Variants in RICTOR observed in about 807,000 individuals in gnomAD.
The protein encoded by RICTOR is rapamycin-insensitive companion of mTOR.
Under a neutral mutation model 214.9 loss-of-function variants are expected in RICTOR, and 49 were observed. The observed-to-expected ratio is 0.23, with a 90% CI of 0.18 to 0.29. The LOEUF is 0.29. Among genes scored for constraint, RICTOR ranks in the 10% least tolerant of loss-of-function variants. The pLI is 1.00. For missense variants in RICTOR, 1,625 were observed against 2,047.0 expected, an observed-to-expected ratio of 0.79 and a Z score of 3.98; for synonymous variants, 717 against 711.3, an observed-to-expected ratio of 1.01 and a Z score of -0.13.
intron 2 of RICTOR, among the ~76,000 whole-genome samples, chr5:39,035,718 A>G (rs997523101): frequency 3.9e-5 from 6 of 152,244 alleles, no homozygotes; most frequent in African/African-American, 1.4e-4. Flanking sequence ...AAAGGGTATC[A>G]GCGATAGAAG....
At position 38,945,088 on chromosome 5, in the gene RICTOR, T is replaced by G. The variant is rs1748032972; in HGVS notation, c.4634-20A>C. 5.1e-6 allele frequency: 8 copies of G among 1,554,790 alleles called. No individual in the cohort carries two copies. Among genetic ancestry groups the G allele is most frequent in the African/African-American group, 1.4e-5 (1 of 73,074 alleles). The stretch of plus-strand genomic sequence containing the variant: ...GAAAGTCTGAAGAAAAAAATAATTA[T>G]TTCAATTAAAGCACCATAACGGCTT... On this transcript the variant is annotated intron_variant, in intron 34 of 37. Coordinates refer to ENST00000357387, the MANE Select transcript of RICTOR (RefSeq NM_152756.5).
rs2112847623 is a variant in RICTOR, at chr5:38,949,887, A to G, written c.3961T>C (p.Tyr1321His). Residue 1321 changes from tyrosine (Y) to histidine (H), a missense_variant, in exon 31 of 38, where the codon TAC becomes CAC. By Grantham distance (83) the Tyr-to-His change is moderately conservative (BLOSUM62 2). Transcript: ENST00000357387. ...IKSLADCNFS[Y>H]TSSRDAFGYA... ...CCAAAAGCATCTCTAGAACTTGTGT[A>G]ACTAAAGTTACAATCTGCTAGACTT... 1 of 1,613,500 alleles carries G rather than the reference A, an allele frequency of 6.2e-7. No individual in the cohort carries two copies. Among genetic ancestry groups the G allele is most frequent in the South Asian group, 1.1e-5 (1 of 91,064 alleles).
Position 38,990,782 on chromosome 5 carries a change from A to AGATATAT in RICTOR, c.583+160_583+166dup, listed in dbSNP as rs1561503163. 5.1e-4 allele frequency among the ~76,000 whole-genome samples: 55 copies of AGATATAT among 106,940 alleles called. 4 individuals carry two copies. Among genetic ancestry groups the AGATATAT allele is most frequent in the African/African-American group, 1.5e-3 (41 of 27,938 alleles). The allele number at this position is 106,940 out of a possible 152,430, so 70.2% of individuals were successfully genotyped here. A position where few individuals can be genotyped will look rare whatever the true frequency, so the allele number is the denominator to read the frequency against. On this transcript the variant is annotated intron_variant, in intron 7 of 37. Transcript: ENST00000357387. ...ATATATGAGATATATGATATATATGAGATATATGAGATATATGATATATAT... is the reference window on the plus strand; with the variant it reads ...ATATATGAGATATATGATATATATGAGATATATGATATATGAGATATATGATATATAT...
chr5:38,976,041 C>A (rs1751204313), intron 9 of RICTOR, among the ~76,000 whole-genome samples: 1 of 152,196 alleles, frequency 6.6e-6, no homozygotes, highest in African/African-American at 2.4e-5. Context: ...AGTTCAACAA[C>A]CTATATAGTC....
rs142145262 is a variant in RICTOR, at chr5:38,984,314, A to G, written c.584-2278T>C. The stretch of plus-strand genomic sequence containing the variant: ...TTTGTGGATTTTAGTTTCTTCTTCC[A>G]ATTAACAATTTAGATTACATAATCT... On this transcript the variant is annotated intron_variant, in intron 7 of 37. Transcript: ENST00000357387. 1.5e-3 allele frequency among the ~76,000 whole-genome samples: 224 copies of G among 152,302 alleles called. 1 individual carries two copies. The highest frequency in any genetic ancestry group is 5.3e-3 in the African/African-American group (220 of 41,584).
chr5:39,017,235 G>A (rs1022617870), intron 3 of RICTOR, among the ~76,000 whole-genome samples: 1 of 152,098 alleles, frequency 6.6e-6, no homozygotes, highest in Non-Finnish European at 1.5e-5. Flanking sequence ...AATTATAATT[G>A]CAAACAGGAC....
At chr5:39,063,702 T>C (rs80217883) in intron 2 of RICTOR, among the ~76,000 whole-genome samples, 4,762 of 152,226 alleles carry the variant, frequency 0.031, 126 homozygotes, top group South Asian at 0.083. Flanking sequence ...GGAAGATGTA[T>C]GCCTTCCTCA....
At chr5:38,963,855 C>G (rs772669776) in intron 16 of RICTOR, among the ~76,000 whole-genome samples, 3 of 151,940 alleles carry the variant, frequency 2.0e-5, no homozygotes, top group South Asian at 2.1e-4. Flanking sequence ...AAGCTAAAAG[C>G]TACTATTACT....
intron 3 of RICTOR, among the ~76,000 whole-genome samples, chr5:39,015,916 G>C (rs536871074): frequency 1.6e-4 from 25 of 152,230 alleles, no homozygotes; most frequent in African/African-American, 5.1e-4. Flanking sequence ...AGATTGCCCT[G>C]ACAGTTAATC....
chr5:38,964,949 A>C (rs750965627), intron 15 of RICTOR, 57 bp from the exon 16 acceptor site: 157 of 992,698 alleles, frequency 1.6e-4, no homozygotes, highest in Non-Finnish European at 2.4e-4. Flanking sequence ...AGTTTATGTC[A>C]CAGATTACCT....
chr5:39,057,140 C>T (rs1758255661), intron 2 of RICTOR, among the ~76,000 whole-genome samples: 1 of 152,044 alleles, frequency 6.6e-6, no homozygotes, highest in African/African-American at 2.4e-5. Context: ...TGACCATTTC[C>T]CAAACTCCAA....
Position 38,997,407 on chromosome 5 carries a change from A to C in RICTOR, c.393-525T>G, listed in dbSNP as rs1324281193. Among the ~76,000 whole-genome samples, 4 of 152,338 alleles carry C rather than the reference A, an allele frequency of 2.6e-5. No individual in the cohort carries two copies. The South Asian group carries it at 8.3e-4, about 32-fold the overall frequency. Reference sequence around the variant, plus strand: ...TAGCACCAAACTGACATTTCTTTGTAAAATTTATTAAATTATCCAGTTTTG... The same window carrying C: ...TAGCACCAAACTGACATTTCTTTGTCAAATTTATTAAATTATCCAGTTTTG... On this transcript the variant is annotated intron_variant, in intron 5 of 37. Transcript: ENST00000357387.
chr5:38,981,044 C>T (rs1751681049), intron 8 of RICTOR: 1 of 152,118 alleles, frequency 6.6e-6, no homozygotes, highest in African/African-American at 2.4e-5. Context: ...GACTATTATA[C>T]TAACATTGTT....
intron 3 of RICTOR, among the ~76,000 whole-genome samples, chr5:39,012,916 G>C (rs1754652341): frequency 1.3e-5 from 2 of 152,100 alleles, no homozygotes; most frequent in African/African-American, 2.4e-5. Context: ...GATGCTAAGA[G>C]AGGGTTACTC....
intron 10 of RICTOR, among the ~76,000 whole-genome samples, chr5:38,975,130 T>G (rs942672279): frequency 2.6e-5 from 4 of 152,200 alleles, no homozygotes; most frequent in African/African-American, 9.6e-5. Context: ...CTCAAGAAAT[T>G]TGGAACTATT....
chr5:38,965,307 A>G (rs1407795132), intron 15 of RICTOR, among the ~76,000 whole-genome samples: 1 of 151,984 alleles, frequency 6.6e-6, no homozygotes, highest in Non-Finnish European at 1.5e-5. Flanking sequence ...AGTTTTAAAA[A>G]CTACTTTCTC....
At chr5:39,058,196 A>C (rs546219112) in intron 2 of RICTOR, among the ~76,000 whole-genome samples, 1 of 152,094 alleles carries the variant, frequency 6.6e-6, no homozygotes. Flanking sequence ...ACTGAAAACA[A>C]CAAAAAAATC....
chr5:38,968,386 T>C (rs1309249563), intron 11 of RICTOR, among the ~76,000 whole-genome samples: 1 of 152,028 alleles, frequency 6.6e-6, no homozygotes, highest in African/African-American at 2.4e-5. Flanking sequence ...TACCTGATAA[T>C]GATAATAAAT....
intron 30 of RICTOR, 60 bp downstream of exon 30, chr5:38,952,135 TA>T: frequency 9.5e-7 from 1 of 1,048,236 alleles, no homozygotes; most frequent in Non-Finnish European, 1.4e-6. Context: ...ATTTAAATTC[TA>T]AAATTCAAAT....
Sources: allele counts gnomAD v4.1 joint callset (sites outside exome capture counted in the v4.1 genomes callset), GRCh38; gene constraint gnomAD v4.1.1; transcripts MANE v1.5; gene names NCBI Gene and HGNC (gene_info 2026-07-23, HGNC 2026-07-21).